RTN4: variants seen among roughly 807,000 people sequenced by gnomAD.
RTN4 encodes reticulon 4, also known as reticulon-4.
Under a neutral mutation model 90.4 loss-of-function variants are expected in RTN4, and 32 were observed. The ratio of observed to expected loss-of-function variants is 0.35; its 90% CI spans 0.27 to 0.48. The LOEUF (loss-of-function observed/expected upper bound fraction) is 0.48, where lower values mean the gene tolerates loss of function less well. Ranked by LOEUF, RTN4 falls within the 20% of genes least tolerant of loss-of-function variation. The probability of loss-of-function intolerance (pLI) is 0.99; values close to 1 mark genes in which losing one functional copy is unlikely to be tolerated. For missense variants in RTN4, 1,706 were observed against 1,430.2 expected (o/e 1.19, Z -3.11); for synonymous variants, 629 against 552.5 (o/e 1.14, Z -1.94).
chr2:55,003,943 C>T (rs1680026208), intron 3 of RTN4, among the ~76,000 whole-genome samples: 1 of 152,104 alleles, frequency 6.6e-6, no homozygotes, highest in Non-Finnish European at 1.5e-5. Flanking sequence ...GAAATAATCT[C>T]CTGCAGATAC....
At chr2:55,114,357 G>T (rs969462800), upstream of RTN4, among the ~76,000 whole-genome samples, 5 of 152,132 alleles carry the variant, frequency 3.3e-5, no homozygotes, top group African/African-American at 1.2e-4. Context: ...GGATGGAGCT[G>T]GAAAGGAACA....
chr2:55,096,138 C>A (rs1164786542), intron 1 of RTN4, among the ~76,000 whole-genome samples: 1 of 152,110 alleles, frequency 6.6e-6, no homozygotes, highest in East Asian at 1.9e-4. Flanking sequence ...CCCAACCTAA[C>A]CAACATGGAG....
At chr2:55,037,313 T>C (rs1234247265) in intron 1 of RTN4, among the ~76,000 whole-genome samples, 4 of 152,224 alleles carry the variant, frequency 2.6e-5, no homozygotes, top group African/African-American at 7.2e-5. Context: ...TATGAGTATA[T>C]TGTGTTTTTA....
Position 54,973,110 on chromosome 2 carries a change from A to AATATCCCCTTTAAAGATG in RTN4, c.*28_*45dup, listed in dbSNP as rs1553430055. The AATATCCCCTTTAAAGATG allele has an allele frequency of 1.5e-5, 23 of 1,526,662 alleles. No homozygotes were observed. Among genetic ancestry groups the AATATCCCCTTTAAAGATG allele is most frequent in the Non-Finnish European group, 2.0e-5 (22 of 1,104,628 alleles). The allele number at this position is 1,526,662 out of a possible 1,614,324, so 94.6% of individuals were successfully genotyped here. A position where few individuals can be genotyped will look rare whatever the true frequency, so the allele number is the denominator to read the frequency against. On this transcript the variant is annotated 3_prime_UTR_variant, in exon 9 of 9. Coordinates refer to ENST00000337526, the MANE Select transcript of RTN4 (RefSeq NM_020532.5). ...TGACCCTCCCCCGTATAATCAAATGAATATCCCCTTTAAAGATGAACTCCT... is the reference window on the plus strand; with the variant it reads ...TGACCCTCCCCCGTATAATCAAATGAATATCCCCTTTAAAGATGATATCCCCTTTAAAGATGAACTCCT...
chr2:55,012,638 A>C (rs1680728284), intron 3 of RTN4, among the ~76,000 whole-genome samples: 1 of 152,214 alleles, frequency 6.6e-6, no homozygotes. Flanking sequence ...GCCTGACAAA[A>C]AGTAGGCACT....
chr2:55,039,235 GA>G (rs754821353), intron 1 of RTN4, among the ~76,000 whole-genome samples: 1 of 152,048 alleles, frequency 6.6e-6, no homozygotes, highest in Non-Finnish European at 1.5e-5. Context: ...TAAAACTGTT[GA>G]AACTTAAAAT....
chr2:54,982,784 G>C (rs1223054778), intron 4 of RTN4, 131 bp from the exon 5 acceptor site: 2 of 985,368 alleles, frequency 2.0e-6, no homozygotes, highest in Non-Finnish European at 2.9e-6. Context: ...CCAAATTAGG[G>C]GCAATATAAA....
intron 2 of RTN4, among the ~76,000 whole-genome samples, chr2:55,067,902 T>G (rs1424738036): frequency 6.6e-6 from 1 of 152,240 alleles, no homozygotes; most frequent in African/African-American, 2.4e-5. Flanking sequence ...AATCACATTT[T>G]TATGAGAAAT....
intron 1 of RTN4, among the ~76,000 whole-genome samples, chr2:55,046,363 C>T (rs958922428): frequency 6.6e-6 from 1 of 152,194 alleles, no homozygotes; most frequent in Non-Finnish European, 1.5e-5. Context: ...AAGGCCACCT[C>T]TTCACTCTCC....
intron 5 of RTN4, among the ~76,000 whole-genome samples, chr2:54,980,757 T>TA (rs1678055082): frequency 1.3e-5 from 2 of 152,218 alleles, no homozygotes; most frequent in South Asian, 4.1e-4. Flanking sequence ...AATTACTACT[T>TA]ACAGACAGTA....
intron 1 of RTN4, 136 bp from the exon 2 acceptor site, chr2:55,028,356 A>AG: frequency 1.6e-6 from 1 of 640,918 alleles, no homozygotes; most frequent in Non-Finnish European, 2.7e-6. Context: ...CAAGATCAAA[A>AG]GGAAGTCAGA....
intron 1 of RTN4, among the ~76,000 whole-genome samples, chr2:55,045,863 G>C (rs1014706987): frequency 9.9e-5 from 15 of 152,144 alleles, no homozygotes; most frequent in African/African-American, 3.6e-4. Context: ...CCTTAATTAT[G>C]TTTGCACTGC....
chr2:54,988,536 G>C (rs933178822), intron 3 of RTN4, among the ~76,000 whole-genome samples: 2 of 151,892 alleles, frequency 1.3e-5, no homozygotes, highest in African/African-American at 4.8e-5. Flanking sequence ...ATTTTTTTGT[G>C]CTAGTAATAA....
At chr2:55,006,162 C>G (rs1408810840) in intron 3 of RTN4, among the ~76,000 whole-genome samples, 1 of 152,156 alleles carries the variant, frequency 6.6e-6, no homozygotes, top group African/African-American at 2.4e-5. Context: ...TACCCCAAAA[C>G]TATTCTCTAT....
At chr2:54,986,522 G>A (rs1037267863) in intron 4 of RTN4, among the ~76,000 whole-genome samples, 1 of 152,160 alleles carries the variant, frequency 6.6e-6, no homozygotes, top group Admixed American at 6.5e-5. Flanking sequence ...ACAGGCCCCT[G>A]GTTAGACTGA....
chr2:55,073,696 C>T (rs966600625), intron 2 of RTN4, among the ~76,000 whole-genome samples: 1 of 152,234 alleles, frequency 6.6e-6, no homozygotes, highest in Non-Finnish European at 1.5e-5. Flanking sequence ...CTGCTCATAT[C>T]AATGGCTTTC....
chr2:55,131,790 AG>A, the RTN4 span, among the ~76,000 whole-genome samples: 6 of 152,188 alleles, frequency 3.9e-5, no homozygotes, highest in African/African-American at 1.4e-4. Flanking sequence ...AAGCTGAGGC[AG>A]GAGAATTGCT....
At chr2:55,132,371 C>T in the RTN4 span, among the ~76,000 whole-genome samples, 37,126 of 151,502 alleles carry the variant, frequency 0.25, 5,237 homozygotes, top group East Asian at 0.5. Flanking sequence ...GGTGTGATGG[C>T]ACACATCTGT....
At chr2:55,048,147 A>T (rs1558852150) in intron 1 of RTN4, among the ~76,000 whole-genome samples, 1 of 152,252 alleles carries the variant, frequency 6.6e-6, no homozygotes, top group Non-Finnish European at 1.5e-5. Flanking sequence ...TTATCTAAAC[A>T]TACCTAAAAT....
Sources: gnomAD v4.1 joint callset for allele counts (sites outside exome capture counted in the v4.1 genomes callset) on GRCh38, gnomAD v4.1.1 for gene constraint, MANE v1.5 for transcripts, NCBI Gene and HGNC (gene_info 2026-07-23, HGNC 2026-07-21) for gene names.